SCMH1: variants seen among roughly 807,000 people sequenced by gnomAD.
The protein encoded by SCMH1 is Scm polycomb group protein homolog 1.
A neutral mutation model predicts 70.8 loss-of-function variants in SCMH1; 37 were observed. The ratio of observed to expected loss-of-function variants is 0.52; its 90% CI spans 0.40 to 0.69. SCMH1 has a LOEUF of 0.69. Ranked by LOEUF, SCMH1 falls within the 30% of genes least tolerant of loss-of-function variation. SCMH1 has a pLI of 0.00. For missense variants in SCMH1, 607 were observed against 827.3 expected, an observed-to-expected ratio of 0.73 and a Z score of 3.27; for synonymous variants, 292 against 307.4, an observed-to-expected ratio of 0.95 and a Z score of 0.52.
intron 1 of SCMH1, among the ~76,000 whole-genome samples, chr1:41,210,263 C>T (rs28786812): frequency 3.9e-5 from 5 of 129,238 alleles, no homozygotes; most frequent in South Asian, 2.4e-4. Context: ...GAATCAATAT[C>T]GTGAAAATGG....
In SCMH1 at chr1:41,161,442, G is replaced by A. The variant is rs777178410; in HGVS notation, c.14-10C>T. 1 of 1,543,166 alleles carries A rather than the reference G, an allele frequency of 6.5e-7. No homozygotes were observed. The highest frequency in any genetic ancestry group is 1.2e-5 in the South Asian group (1 of 82,520). On this transcript the variant is annotated splice_polypyrimidine_tract_variant and intron_variant, in intron 2 of 14. Coordinates refer to ENST00000337495, the Ensembl canonical transcript of SCMH1. ...TCACTCCAGTCTATCACTGCAGAGG[G>A]AGAGAAAAATAGTCATGTGGAAAGA...
chr1:41,172,356 A>C (rs923002694), intron 2 of SCMH1, among the ~76,000 whole-genome samples: 9 of 152,078 alleles, frequency 5.9e-5, no homozygotes, highest in Non-Finnish European at 1.0e-4. Context: ...ATAAAAAAAA[A>C]CCTACAAATA....
chr1:41,101,411 C>T (rs1572123157), intron 8 of SCMH1, among the ~76,000 whole-genome samples: 1 of 152,170 alleles, frequency 6.6e-6, no homozygotes, highest in Non-Finnish European at 1.5e-5. Context: ...TTTTTACTTT[C>T]CTCACATCTC....
intron 6 of SCMH1, among the ~76,000 whole-genome samples, chr1:41,136,773 CTTTT>C (rs67410901): frequency 2.8e-5 from 3 of 108,452 alleles, no homozygotes; most frequent in African/African-American, 1.1e-4. Context: ...AAGGACAGTA[CTTTT>C]TTTTTTTTTT....
At chr1:41,050,169 A>C (rs1647555767) in intron 10 of SCMH1, among the ~76,000 whole-genome samples, 2 of 152,148 alleles carry the variant, frequency 1.3e-5, no homozygotes, top group South Asian at 4.1e-4. Context: ...CAGGAGACCG[A>C]GGCAGTCCTA....
intron 10 of SCMH1, among the ~76,000 whole-genome samples, chr1:41,054,059 T>C (rs937475486): frequency 6.6e-6 from 1 of 152,130 alleles, no homozygotes; most frequent in African/African-American, 2.4e-5. Context: ...TTAGCCAGGA[T>C]GGTCTCGATC....
At chr1:41,200,554 CAGAGTT>C (rs915898426) in intron 1 of SCMH1, among the ~76,000 whole-genome samples, 5 of 149,474 alleles carry the variant, frequency 3.3e-5, no homozygotes, top group Non-Finnish European at 7.4e-5. Flanking sequence ...GTGAGGAAAA[CAGAGTT>C]AGGAATAGAT....
chr1:41,167,907 G>GTTTT lies in SCMH1; in HGVS notation c.14-6479_14-6476dup, dbSNP rs202043541. Among the ~76,000 whole-genome samples, 10 of 49,682 alleles carry GTTTT rather than the reference G, an allele frequency of 2.0e-4. 2 individuals are homozygous for GTTTT. Among genetic ancestry groups the GTTTT allele is most frequent in the South Asian group, 1.5e-3 (2 of 1,306 alleles). The allele number at this position is 49,682 out of a possible 152,430, so 32.6% of individuals were successfully genotyped here. On this transcript the variant is annotated intron_variant, in intron 2 of 14. Transcript: ENST00000337495. ...GGGTATAGTATGCTTTGCTGGCAGTGTTTTGTTTTTTTTTTTTTTTTCCTT... is the reference window on the plus strand; with the variant it reads ...GGGTATAGTATGCTTTGCTGGCAGTGTTTTTTTTGTTTTTTTTTTTTTTTTCCTT...
intron 1 of SCMH1, among the ~76,000 whole-genome samples, chr1:41,240,661 CA>C (rs1663317363): frequency 6.6e-6 from 1 of 150,944 alleles, no homozygotes; most frequent in Non-Finnish European, 1.5e-5. Flanking sequence ...TGTTTATAGA[CA>C]TTTTTTAAAA....
intron 8 of SCMH1, among the ~76,000 whole-genome samples, chr1:41,106,856 A>C (rs747001195): frequency 2.0e-5 from 3 of 151,532 alleles, no homozygotes; most frequent in Non-Finnish European, 4.4e-5. Flanking sequence ...CACCTGGCTA[A>C]TTTTTGTATT....
chr1:41,040,200 GCA>G (rs1490985939), intron 12 of SCMH1, among the ~76,000 whole-genome samples: 2 of 152,176 alleles, frequency 1.3e-5, no homozygotes, highest in African/African-American at 4.8e-5. Flanking sequence ...CATTTGTTGA[GCA>G]CCCTTTGTGT....
intron 8 of SCMH1, among the ~76,000 whole-genome samples, chr1:41,109,399 A>G (rs1407077972): frequency 6.6e-6 from 1 of 152,232 alleles, no homozygotes; most frequent in Admixed American, 6.5e-5. Flanking sequence ...AAATAGTATG[A>G]TTAGAAAGAG....
chr1:41,215,754 T>G (rs935636840), intron 1 of SCMH1, among the ~76,000 whole-genome samples: 8 of 152,156 alleles, frequency 5.3e-5, no homozygotes, highest in East Asian at 1.9e-4. Flanking sequence ...CATATTAAAA[T>G]TATTTGTTTA....
intron 1 of SCMH1, among the ~76,000 whole-genome samples, chr1:41,229,295 T>G (rs1182955914): frequency 6.6e-6 from 1 of 152,160 alleles, no homozygotes; most frequent in African/African-American, 2.4e-5. Context: ...AGAATAAGAT[T>G]GGCAATGCGG....
intron 1 of SCMH1, among the ~76,000 whole-genome samples, chr1:41,229,067 A>G (rs1245717170): frequency 1.3e-5 from 2 of 152,116 alleles, no homozygotes; most frequent in East Asian, 3.9e-4. Flanking sequence ...ATGATGGCAC[A>G]TGCCTGTAAT....
At chr1:41,046,444 G>A (rs1646903756) in exon 12 of SCMH1, 4 of 1,614,164 alleles carry the variant, frequency 2.5e-6, no homozygotes, top group African/African-American at 1.3e-5. Context: ...TGTACTCTAT[G>A]GCAGTGAGTG....
At position 41,171,310 on chromosome 1, in the gene SCMH1, A is replaced by T. The variant is rs538581154; in HGVS notation, c.14-9878T>A. On this transcript the variant is annotated intron_variant, in intron 2 of 14. Coordinates refer to ENST00000337495, the Ensembl canonical transcript of SCMH1. ...CTGGATATTGATTTGCCTTCCCTGC[A>T]TGCAATTCTACTGTCAAAACTACCA... is the stretch of plus-strand genomic sequence containing the variant. Among the ~76,000 whole-genome samples, 10 of 152,318 alleles carry T rather than the reference A, an allele frequency of 6.6e-5. No homozygotes were observed. The East Asian group carries it at 1.9e-3, about 29-fold the overall frequency.
chr1:41,158,080 G>A (rs998271228), intron 4 of SCMH1, among the ~76,000 whole-genome samples: 2 of 152,144 alleles, frequency 1.3e-5, no homozygotes, highest in Non-Finnish European at 2.9e-5. Context: ...GAGTTTAAAT[G>A]ATTACCTAGT....
At chr1:41,071,109 A>G (rs546236630) in intron 9 of SCMH1, among the ~76,000 whole-genome samples, 1 of 152,174 alleles carries the variant, frequency 6.6e-6, no homozygotes, top group Non-Finnish European at 1.5e-5. Flanking sequence ...ACAAACAAAA[A>G]AAAATAGAAA....
Sources: allele counts gnomAD v4.1 joint callset (sites outside exome capture counted in the v4.1 genomes callset), GRCh38; gene constraint gnomAD v4.1.1; transcripts MANE v1.5; gene names NCBI Gene and HGNC (gene_info 2026-07-23, HGNC 2026-07-21).